The following MYO1E variants were observed in gnomAD, a reference collection of about 807,000 sequenced individuals.
The protein encoded by MYO1E is unconventional myosin-Ie.
Under a neutral mutation model 151.1 loss-of-function variants are expected in MYO1E, and 68 were observed. The ratio of observed to expected loss-of-function variants is 0.45; its 90% CI spans 0.37 to 0.55. The LOEUF (loss-of-function observed/expected upper bound fraction) is 0.55, where lower values mean the gene tolerates loss of function less well. Ranked by LOEUF, MYO1E falls within the 20% of genes least tolerant of loss-of-function variation. MYO1E has a pLI of 0.00. For missense variants in MYO1E, 1,363 were observed against 1,389.3 expected, an observed-to-expected ratio of 0.98 and a Z score of 0.30; for synonymous variants, 601 against 501.7, an observed-to-expected ratio of 1.20 and a Z score of -2.64.
rs1430122015 is a variant in MYO1E at position 59,180,447 on chromosome 15, A to AC, written c.1905-1911dup. Among the ~76,000 whole-genome samples the AC allele has an allele frequency of 2.6e-5, 4 of 152,258 alleles. No individual in the cohort carries two copies. In the East Asian group the frequency reaches 7.7e-4, roughly 29 times the overall value. ...GTACAGTTTTGCTTGGCTTGATCTA[A>AC]CCTAAAATTATAAACTAAAGTATAT... On this transcript the variant is annotated intron_variant, in intron 18 of 27. Transcript: ENST00000288235.
At chr15:59,302,025 G>A (rs972181687) in intron 1 of MYO1E, among the ~76,000 whole-genome samples, 1 of 152,110 alleles carries the variant, frequency 6.6e-6, no homozygotes, top group African/African-American at 2.4e-5. Flanking sequence ...CCTACGTAAA[G>A]GTAGGTTCGT....
chr15:59,206,982 G>C, intron 14 of MYO1E: 1 of 1,614,180 alleles, frequency 6.2e-7, no homozygotes, highest in Non-Finnish European at 8.5e-7. Context: ...GCCAGAGAGT[G>C]AGCTCGGTGG....
chr15:59,145,722 G>T (rs577408602), intron 26 of MYO1E, among the ~76,000 whole-genome samples: 1 of 152,316 alleles, frequency 6.6e-6, no homozygotes, highest in East Asian at 1.9e-4. Context: ...TGCATTTGAA[G>T]TTATTAAAGT....
intron 21 of MYO1E, among the ~76,000 whole-genome samples, chr15:59,172,708 T>C (rs1475340639): frequency 1.3e-5 from 2 of 152,250 alleles, no homozygotes; most frequent in Admixed American, 6.5e-5. Flanking sequence ...GGGCAGTGTC[T>C]GCATATATTT....
intron 14 of MYO1E, chr15:59,207,946 G>A (rs759506804): frequency 6.2e-7 from 1 of 1,613,858 alleles, no homozygotes; most frequent in South Asian, 1.1e-5. Flanking sequence ...AGATGAAGAA[G>A]TATTCCTCAG....
At chr15:59,174,323 C>G in intron 19 of MYO1E, 83 bp from the exon 20 acceptor site, 1 of 986,452 alleles carries the variant, frequency 1.0e-6, no homozygotes, top group Non-Finnish European at 1.6e-6. Flanking sequence ...TCCAGGGACC[C>G]TCAGTTTAGA....
intron 16 of MYO1E, among the ~76,000 whole-genome samples, chr15:59,196,906 C>T (rs1438237486): frequency 6.9e-6 from 1 of 145,452 alleles, no homozygotes; most frequent in Admixed American, 6.9e-5. Context: ...TATAGCACAG[C>T]TTTTTTTTGT....
intron 14 of MYO1E, chr15:59,208,277 C>T (rs1316217814): frequency 3.3e-6 from 2 of 598,960 alleles, no homozygotes; most frequent in Non-Finnish European, 5.8e-6. Context: ...ATTTACAATT[C>T]CTAAGTATTT....
At chr15:59,187,967 T>C in intron 18 of MYO1E, 151 bp downstream of exon 18, 1 of 694,476 alleles carries the variant, frequency 1.4e-6, no homozygotes, top group Non-Finnish European at 2.6e-6. Context: ...GGTAAGAAAA[T>C]GTCCTAAAAT....
intron 4 of MYO1E, among the ~76,000 whole-genome samples, chr15:59,249,101 C>T (rs888229140): frequency 5.9e-5 from 9 of 152,130 alleles, no homozygotes; most frequent in African/African-American, 1.9e-4. Flanking sequence ...GAAAGCAGCA[C>T]GTCTCCTTCC....
At chr15:59,142,793 C>T (rs1391610357) in intron 26 of MYO1E, among the ~76,000 whole-genome samples, 1 of 151,986 alleles carries the variant, frequency 6.6e-6, no homozygotes, top group African/African-American at 2.4e-5. Context: ...ATACTTCAAG[C>T]TTACATCATA....
intron 14 of MYO1E, chr15:59,206,771 G>A (rs533086973): frequency 8.0e-6 from 5 of 626,848 alleles, no homozygotes; most frequent in South Asian, 6.0e-5. Flanking sequence ...CGGAAAGCAC[G>A]TGTCGGAGAC....
chr15:59,302,923 G>C (rs1483650845), intron 1 of MYO1E, among the ~76,000 whole-genome samples: 1 of 152,126 alleles, frequency 6.6e-6, no homozygotes, highest in Non-Finnish European at 1.5e-5. Flanking sequence ...TTTTGACCAG[G>C]GCACCTATGA....
At chr15:59,274,605 C>T (rs2080307388) in intron 1 of MYO1E, among the ~76,000 whole-genome samples, 2 of 152,126 alleles carry the variant, frequency 1.3e-5, no homozygotes, top group African/African-American at 4.8e-5. Context: ...TTAATAAGTA[C>T]TTATTCAACT....
chr15:59,208,502 T>C (rs2079855300), intron 14 of MYO1E, 179 bp downstream of exon 14: 4 of 716,692 alleles, frequency 5.6e-6, no homozygotes, highest in Middle Eastern at 3.2e-4. Flanking sequence ...AAAATAAATG[T>C]ACATACAAAA....
At chr15:59,314,656 C>T (rs759972076) in intron 1 of MYO1E, among the ~76,000 whole-genome samples, 10 of 151,862 alleles carry the variant, frequency 6.6e-5, no homozygotes, top group African/African-American at 1.9e-4. Flanking sequence ...CCCCAGAGGA[C>T]ATTTGGCAGA....
chr15:59,300,671 C>T lies in MYO1E; in HGVS notation c.4-28222G>A, dbSNP rs148052770. Among the ~76,000 whole-genome samples, 1,029 of 152,088 alleles carry T rather than the reference C, an allele frequency of 6.8e-3. 3 individuals carry two copies. Among genetic ancestry groups the T allele is most frequent in the Non-Finnish European group, 0.01 (683 of 67,978 alleles). On this transcript the variant is annotated intron_variant, in intron 1 of 27. Coordinates refer to ENST00000288235, the MANE Select transcript of MYO1E (RefSeq NM_004998.4). ...GATCGCCTTCTAGCTATAAATCTTCCGGGGTTCCCATTAAAAAAGAAATTC... is the reference window on the plus strand; with the variant it reads ...GATCGCCTTCTAGCTATAAATCTTCTGGGGTTCCCATTAAAAAAGAAATTC...
intron 1 of MYO1E, among the ~76,000 whole-genome samples, chr15:59,293,372 C>G (rs1288445065): frequency 6.6e-6 from 1 of 151,824 alleles, no homozygotes; most frequent in African/African-American, 2.4e-5. Flanking sequence ...ATGGTGAAAC[C>G]CCATCTCTAC....
intron 7 of MYO1E, among the ~76,000 whole-genome samples, chr15:59,226,059 C>T (rs886811263): frequency 2.0e-5 from 3 of 152,180 alleles, no homozygotes; most frequent in African/African-American, 7.2e-5. Context: ...TTGGGGCTTG[C>T]ATTTATTTAA....
Sources: allele counts gnomAD v4.1 joint callset (sites outside exome capture counted in the v4.1 genomes callset), GRCh38; gene constraint gnomAD v4.1.1; transcripts MANE v1.5; gene names NCBI Gene and HGNC (gene_info 2026-07-23, HGNC 2026-07-21).